Variants in PC observed in about 807,000 individuals in gnomAD.
PC encodes the protein pyruvate carboxylase.
PC carries 46 observed loss-of-function variants against 107.8 expected under a neutral mutation model. The ratio of observed to expected loss-of-function variants is 0.43; its 90% confidence interval spans 0.34 to 0.55. The LOEUF is 0.55. Among genes scored for constraint, PC ranks in the 20% least tolerant of loss-of-function variants. The pLI is 0.04. For synonymous variants in PC, 662 were observed against 684.7 expected (o/e 0.97, Z 0.52); for missense variants, 1,241 against 1,643.1 (o/e 0.76, Z 4.23).
chr11:66,955,534 G>A (rs1949539021), intron 1 of PC, among the ~76,000 whole-genome samples: 1 of 152,210 alleles, frequency 6.6e-6, no homozygotes, highest in Admixed American at 6.5e-5. Context: ...TGACACATGA[G>A]GGTACATTGG....
chr11:66,903,953 G>A (rs1237966589), intron 3 of PC, among the ~76,000 whole-genome samples: 4 of 149,658 alleles, frequency 2.7e-5, no homozygotes, highest in South Asian at 2.1e-4. Flanking sequence ...TCAGCCTCCC[G>A]GGTAGCTGGG....
chr11:66,899,295 G>T (rs961138382), intron 3 of PC, among the ~76,000 whole-genome samples: 1 of 152,158 alleles, frequency 6.6e-6, no homozygotes, highest in East Asian at 1.9e-4. Flanking sequence ...TCACTTCTTT[G>T]TATGGCTAAA....
rs1365666532 is a variant in PC at position 66,858,522 on chromosome 11, C to T, written c.1369-5139G>A. On this transcript the variant is annotated intron_variant, in intron 12 of 22. Transcript: ENST00000393960. This position sits in a 1 kb window ranked among gnomAD's most constrained non-coding sequence, Gnocchi z 5.9. Reference sequence around the variant, plus strand: ...GGACGACCTGGAAACGTGCGCCTCCCCGCCCGGCCTGGCCGGCCGCTACTT... The same window carrying T: ...GGACGACCTGGAAACGTGCGCCTCCTCGCCCGGCCTGGCCGGCCGCTACTT... The T allele has an allele frequency of 6.5e-7, 1 of 1,534,520 alleles. No homozygotes were observed.
chr11:66,946,142 T>C (rs1239675141), intron 3 of PC, among the ~76,000 whole-genome samples: 1 of 151,660 alleles, frequency 6.6e-6, no homozygotes, highest in Non-Finnish European at 1.5e-5. Context: ...TGTTACTTTA[T>C]GTACTCTAAG....
At chr11:66,850,631 CGGCTTTGAGAGGGGTGT>C (rs1565211046) in intron 18 of PC, 26 bp downstream of exon 18, 1 of 1,602,480 alleles carries the variant, frequency 6.2e-7, no homozygotes, top group Non-Finnish European at 8.5e-7. Flanking sequence ...GTGGTGGCTG[CGGCTTTGAGAGGGGTGT>C]GGCCACGGGC....
chr11:66,854,472 G>A (rs1361264958), intron 12 of PC, among the ~76,000 whole-genome samples: 1 of 152,168 alleles, frequency 6.6e-6, no homozygotes, highest in African/African-American at 2.4e-5. Flanking sequence ...AGTGCACTTT[G>A]TGCACAGGGG....
intron 3 of PC, among the ~76,000 whole-genome samples, chr11:66,925,772 G>A (rs1347577359): frequency 6.6e-6 from 1 of 152,186 alleles, no homozygotes; most frequent in African/African-American, 2.4e-5. Flanking sequence ...TATGTTCAGA[G>A]ATTGCAGTAA....
intron 3 of PC, among the ~76,000 whole-genome samples, chr11:66,899,524 G>GT (rs894773958): frequency 5.9e-5 from 9 of 151,312 alleles, no homozygotes; most frequent in South Asian, 2.1e-4. Flanking sequence ...CAAGTAGCTA[G>GT]TTTTTTTTTC....
At chr11:66,935,520 A>G (rs1349367356) in intron 3 of PC, among the ~76,000 whole-genome samples, 4 of 152,212 alleles carry the variant, frequency 2.6e-5, no homozygotes, top group Non-Finnish European at 5.9e-5. Context: ...GCAAACGTCC[A>G]TGAAGTGATA....
chr11:66,957,085 C>A (rs995408369), intron 1 of PC, among the ~76,000 whole-genome samples: 1 of 152,252 alleles, frequency 6.6e-6, no homozygotes, highest in Non-Finnish European at 1.5e-5. Flanking sequence ...GAGAGAAATG[C>A]TGAGCACATC....
rs12291594 is a variant in PC at position 66,927,412 on chromosome 11, A to G, written c.-1+25018T>C. Among the ~76,000 whole-genome samples the G allele has an allele frequency of 8.3e-3, 1,261 of 151,202 alleles. 17 individuals carry two copies. The highest frequency in any genetic ancestry group is 0.029 in the African/African-American group (1,208 of 41,196). ...TGCGCTGGATGGCAGTAGAAATTTA[A>G]AAGTCACTGTTAAAAATCAGCCAGG... On this transcript the variant is annotated intron_variant, in intron 3 of 22. Coordinates refer to ENST00000393960, the MANE Select transcript of PC (RefSeq NM_001040716.2).
At chr11:66,888,546 G>A (rs1311169058) in intron 3 of PC, among the ~76,000 whole-genome samples, 2 of 152,122 alleles carry the variant, frequency 1.3e-5, no homozygotes, top group African/African-American at 2.4e-5. Context: ...GGCCCAGGTC[G>A]CTCGCTGTCC....
At chr11:66,896,839 G>A (rs1338296443) in intron 3 of PC, among the ~76,000 whole-genome samples, 4 of 152,226 alleles carry the variant, frequency 2.6e-5, no homozygotes, top group Non-Finnish European at 5.9e-5. Context: ...TAAACATAGA[G>A]TATTTCTAGA....
chr11:66,860,355 C>T (rs1230438059), intron 12 of PC: 12 of 1,107,548 alleles, frequency 1.1e-5, no homozygotes, highest in South Asian at 4.0e-5. Flanking sequence ...TCGGTTCTGG[C>T]CTCCAGACCA....
intron 3 of PC, among the ~76,000 whole-genome samples, chr11:66,930,741 TAAAAAAAAA>T (rs34424812): frequency 1.0e-5 from 1 of 99,270 alleles, no homozygotes; most frequent in Admixed American, 1.1e-4. Flanking sequence ...GACTCTGTCT[TAAAAAAAAA>T]AAAAAAAAAA....
At position 66,858,277 on chromosome 11, in the gene PC, A is replaced by G. The variant is rs774806996; in HGVS notation, c.1369-4894T>C. ...GCCCTGCACACCCTCAACCTGGACC[A>G]TAACCTTATTGACGCACTGCCCCCA... On this transcript the variant is annotated intron_variant, in intron 12 of 22. Transcript: ENST00000393960. This position sits in a 1 kb window ranked among gnomAD's most constrained non-coding sequence, Gnocchi z 5.9. 27 of 1,612,020 alleles carry G rather than the reference A, an allele frequency of 1.7e-5. No individual in the cohort carries two copies. Among genetic ancestry groups the G allele is most frequent in the Non-Finnish European group, 1.6e-5 (19 of 1,179,918 alleles).
At chr11:66,947,569 A>C (rs1447170256) in intron 3 of PC, among the ~76,000 whole-genome samples, 1 of 151,276 alleles carries the variant, frequency 6.6e-6, no homozygotes, top group Non-Finnish European at 1.5e-5. Context: ...TCAAAAAAAA[A>C]AAAAGAACTG....
intron 12 of PC, among the ~76,000 whole-genome samples, chr11:66,861,954 C>T (rs907197771): frequency 6.6e-6 from 1 of 152,122 alleles, no homozygotes; most frequent in African/African-American, 2.4e-5. Flanking sequence ...GGCCCAGGGA[C>T]CAGCTTGGCA....
chr11:66,952,744 T>C lies in PC; in HGVS notation c.-39-276A>G, dbSNP rs535308631. Among the ~76,000 whole-genome samples, 8 of 152,274 alleles carry C rather than the reference T, an allele frequency of 5.3e-5. No homozygotes were observed. The East Asian group carries it at 1.3e-3, about 26-fold the overall frequency. ...TTTAGTAGAGATGGGGGTTTCTCCA[T>C]GTTGGTCAGGCTGGTCTCGAACTCC... is the stretch of plus-strand genomic sequence containing the variant. On this transcript the variant is annotated intron_variant, in intron 2 of 22. Coordinates refer to ENST00000393960, the MANE Select transcript of PC (RefSeq NM_001040716.2).
Sources: gnomAD v4.1 joint callset for allele counts (sites outside exome capture counted in the v4.1 genomes callset) on GRCh38, gnomAD v4.1.1 for gene constraint, Gnocchi (gnomAD v3.1) non-coding constraint, MANE v1.5 for transcripts, NCBI Gene and HGNC (gene_info 2026-07-23, HGNC 2026-07-21) for gene names.